The following CDK5RAP2 variants were observed in gnomAD, a reference collection of about 807,000 sequenced individuals.
CDK5RAP2 encodes CDK5 regulatory subunit associated protein 2.
In CDK5RAP2, 147 loss-of-function variants were observed where a neutral mutation model predicts 232.9. That is an observed-to-expected ratio of 0.63 (90% CI 0.55 to 0.72). CDK5RAP2 has a LOEUF of 0.72. Among genes scored for constraint, CDK5RAP2 ranks in the 30% least tolerant of loss-of-function variants. CDK5RAP2 has a pLI of 0.00. For synonymous variants in CDK5RAP2, 833 were observed against 833.7 expected (o/e 1.00, Z 0.01); for missense variants, 2,195 against 2,231.5 (o/e 0.98, Z 0.33).
intron 7 of CDK5RAP2, among the ~76,000 whole-genome samples, chr9:120,533,056 C>T (rs1251058612): frequency 6.6e-6 from 1 of 152,186 alleles, no homozygotes; most frequent in Non-Finnish European, 1.5e-5. Flanking sequence ...TCACCCAACT[C>T]GCAGGACTCC....
At chr9:120,532,891 C>T (rs2041216729) in intron 7 of CDK5RAP2, among the ~76,000 whole-genome samples, 1 of 152,140 alleles carries the variant, frequency 6.6e-6, no homozygotes, top group Admixed American at 6.5e-5. Flanking sequence ...GTACTTGATA[C>T]ACGTTAACCC....
At chr9:120,516,919 A>C (rs548391184) in intron 12 of CDK5RAP2, among the ~76,000 whole-genome samples, 23 of 152,242 alleles carry the variant, frequency 1.5e-4, no homozygotes, top group Non-Finnish European at 2.8e-4. Context: ...AAGAGAAAAT[A>C]TCCTTATGTC....
At chr9:120,502,398 T>C (rs764801611) in intron 12 of CDK5RAP2, among the ~76,000 whole-genome samples, 3 of 152,236 alleles carry the variant, frequency 2.0e-5, no homozygotes, top group Non-Finnish European at 4.4e-5. Context: ...TCCTCCTCTA[T>C]ACAAACGACT....
chr9:120,410,108 G>A (rs758816445), intron 29 of CDK5RAP2, among the ~76,000 whole-genome samples: 3 of 152,126 alleles, frequency 2.0e-5, no homozygotes, highest in African/African-American at 4.8e-5. Context: ...CTCCAGGGCC[G>A]ACTTCCAAGG....
At chr9:120,400,165 C>T (rs528104631) in intron 35 of CDK5RAP2, among the ~76,000 whole-genome samples, 17 of 152,324 alleles carry the variant, frequency 1.1e-4, no homozygotes, top group African/African-American at 4.1e-4. Flanking sequence ...CTTGTCATGA[C>T]ACCACATGCA....
Position 120,407,258 on chromosome 9 carries a change from T to A in CDK5RAP2, c.4727-10A>T, listed in dbSNP as rs1314978944. Reference sequence around the variant, plus strand: ...CCTTCTCCCGACGCCTCTGAGGACATGTGCAAAGAGAAGCCCTGACATCTT... The same window carrying A: ...CCTTCTCCCGACGCCTCTGAGGACAAGTGCAAAGAGAAGCCCTGACATCTT... On this transcript the variant is annotated splice_polypyrimidine_tract_variant and intron_variant, in intron 31 of 37. Coordinates refer to ENST00000349780, the MANE Select transcript of CDK5RAP2 (RefSeq NM_018249.6). 4.4e-6 allele frequency: 7 copies of A among 1,601,798 alleles called. No individual in the cohort carries two copies. Among genetic ancestry groups the A allele is most frequent in the Middle Eastern group, 1.6e-4 (1 of 6,072 alleles).
At chr9:120,529,355 C>T (rs1249363340) in intron 8 of CDK5RAP2, among the ~76,000 whole-genome samples, 2 of 152,220 alleles carry the variant, frequency 1.3e-5, no homozygotes, top group Non-Finnish European at 2.9e-5. Flanking sequence ...CTGGGGAGGC[C>T]GCCTAGGGCG....
At chr9:120,400,535 G>A (rs2032910625) in intron 35 of CDK5RAP2, among the ~76,000 whole-genome samples, 1 of 152,170 alleles carries the variant, frequency 6.6e-6, no homozygotes, top group Admixed American at 6.5e-5. Flanking sequence ...ACTCAACAAA[G>A]ACACGCTCAG....
intron 7 of CDK5RAP2, among the ~76,000 whole-genome samples, chr9:120,531,854 C>A (rs1465573988): frequency 6.6e-6 from 1 of 152,142 alleles, no homozygotes; most frequent in South Asian, 2.1e-4. Flanking sequence ...CAGTGCAATG[C>A]CCCAGAAAAC....
rs2034456112 is a variant in CDK5RAP2, at chr9:120,419,805, A to G, written c.4160T>C (p.Val1387Ala). The change falls in exon 27 of 38, where the codon GTG becomes GCG. Residue 1387 changes from valine (V) to alanine (A), a missense_variant. Val to Ala is a moderately conservative substitution (Grantham distance 64). Coordinates refer to ENST00000349780, the MANE Select transcript of CDK5RAP2 (RefSeq NM_018249.6). Reference protein sequence around the residue: ...DNETEKTSVMVNSFSQDLLME... With the variant: ...DNETEKTSVMANSFSQDLLME... Reference sequence around the variant, plus strand: ...TAGCTTACCTTGAGAAAAACTGTTCACCATAACTGAAGTCTTCTCTGTCTC... The same window carrying G: ...TAGCTTACCTTGAGAAAAACTGTTCGCCATAACTGAAGTCTTCTCTGTCTC... 1 of 1,613,744 alleles carries G rather than the reference A, an allele frequency of 6.2e-7. No homozygotes were observed. The highest frequency in any genetic ancestry group is 8.5e-7 in the Non-Finnish European group (1 of 1,179,650).
At chr9:120,459,909 G>A (rs890936014) in intron 19 of CDK5RAP2, among the ~76,000 whole-genome samples, 3 of 152,142 alleles carry the variant, frequency 2.0e-5, no homozygotes, top group African/African-American at 4.8e-5. Context: ...CCAGTCTCTA[G>A]GGTTCTTTCA....
chr9:120,555,453 C>T (rs1444274673), intron 3 of CDK5RAP2, among the ~76,000 whole-genome samples: 1 of 152,128 alleles, frequency 6.6e-6, no homozygotes, highest in Non-Finnish European at 1.5e-5. Context: ...GATCACTTCT[C>T]TGTGGACCTC....
intron 8 of CDK5RAP2, 72 bp downstream of exon 8, chr9:120,529,906 T>C (rs144183882): frequency 2.1e-6 from 3 of 1,417,188 alleles, no homozygotes; most frequent in East Asian, 2.3e-5. Flanking sequence ...GAGGACCGAA[T>C]GCGCATTCCA....
At position 120,389,287 on chromosome 9, in the gene CDK5RAP2, C is replaced by A. The variant is rs751703707; in HGVS notation, c.5631G>T (p.Arg1877Ser). The change falls in exon 38 of 38, where the codon AGG (arginine) becomes AGT (serine). Residue 1877 changes from arginine to serine, a missense_variant. Coordinates refer to ENST00000349780, the MANE Select transcript of CDK5RAP2 (RefSeq NM_018249.6). ...ATGTTCCTGGATGGGCTCCCCCAGGCCTAAGCTAGGAAAAGGAAGAAAAAA... is the reference window on the plus strand; with the variant it reads ...ATGTTCCTGGATGGGCTCCCCCAGGACTAAGCTAGGAAAAGGAAGAAAAAA... ...LRKARGNLEL[R>S]PGGAHPGTCS... 5 of 1,612,032 alleles carry A rather than the reference C, an allele frequency of 3.1e-6. No individual in the cohort carries two copies. Among genetic ancestry groups the A allele is most frequent in the Non-Finnish European group, 4.2e-6 (5 of 1,178,952 alleles).
At chr9:120,533,514 C>T (rs957460973) in intron 7 of CDK5RAP2, among the ~76,000 whole-genome samples, 19 of 152,068 alleles carry the variant, frequency 1.2e-4, no homozygotes, top group African/African-American at 4.6e-4. Context: ...AAAACCTGGG[C>T]AAGGGCCAGG....
Position 120,558,267 on chromosome 9 carries a change from G to A in CDK5RAP2, c.196-7365C>T, listed in dbSNP as rs542640535. 2.0e-3 allele frequency among the ~76,000 whole-genome samples: 287 copies of A among 145,798 alleles called. 3 individuals are homozygous for A. Among genetic ancestry groups the A allele is most frequent in the Non-Finnish European group, 3.4e-3 (224 of 66,656 alleles). ...GTGCACCTGTAGTCCCAGCTACTCC[G>A]GAGGCTGAGGCAGGAGAATGGCTTG... On this transcript the variant is annotated intron_variant, in intron 3 of 37. Coordinates refer to ENST00000349780, the MANE Select transcript of CDK5RAP2 (RefSeq NM_018249.6).
chr9:120,459,070 G>C (rs2036944751), intron 19 of CDK5RAP2, among the ~76,000 whole-genome samples: 1 of 152,216 alleles, frequency 6.6e-6, no homozygotes, highest in African/African-American at 2.4e-5. Context: ...GTTGTGATTT[G>C]AGTGCTTATT....
In CDK5RAP2 at chr9:120,447,964, G is replaced by C; in HGVS notation, c.2956C>G (p.His986Asp). 6.2e-7 allele frequency: 1 copy of C among 1,614,164 alleles called. No homozygotes were observed. Among genetic ancestry groups the C allele is most frequent in the Non-Finnish European group, 8.5e-7 (1 of 1,180,024 alleles). Residue 986 changes from histidine (H) to aspartate (D), a missense_variant, in exon 22 of 38, where the codon CAC becomes GAC. His to Asp is a moderately conservative substitution (Grantham distance 81). Transcript: ENST00000349780. Reference protein sequence around the residue: ...KEFKTCNKQLHQKLILAEAVM... With the variant: ...KEFKTCNKQLDQKLILAEAVM... ...GCTTCAGCCAGAATTAACTTTTGGT[G>C]AAGTTGCTTATTACAAGTTTTAAAC...
At chr9:120,480,453 A>G (rs1405027188) in intron 14 of CDK5RAP2, among the ~76,000 whole-genome samples, 1 of 152,216 alleles carries the variant, frequency 6.6e-6, no homozygotes, top group Non-Finnish European at 1.5e-5. Context: ...GTTATTTTGT[A>G]TATGTTGCAG....
Sources: gnomAD v4.1 joint callset for allele counts (sites outside exome capture counted in the v4.1 genomes callset) on GRCh38, gnomAD v4.1.1 for gene constraint, MANE v1.5 for transcripts, NCBI Gene and HGNC (gene_info 2026-07-23, HGNC 2026-07-21) for gene names.